Variants in CAMTA1 observed in about 807,000 individuals in gnomAD.
CAMTA1 encodes calmodulin-binding transcription activator 1.
In CAMTA1, 27 loss-of-function variants were observed where a neutral mutation model predicts 170.9. That is an observed-to-expected ratio of 0.16 (90% CI 0.12 to 0.22). The LOEUF is 0.22. CAMTA1 is among the 10% of genes least tolerant of loss of function. The probability of loss-of-function intolerance (pLI) is 1.00; values close to 1 mark genes in which losing one functional copy is unlikely to be tolerated. For missense variants in CAMTA1, 1,619 were observed against 2,217.2 expected (o/e 0.73, Z 5.42); for synonymous variants, 833 against 891.5 (o/e 0.93, Z 1.17).
At chr1:7,429,457 GTGA>G (rs1399209670) in intron 5 of CAMTA1, among the ~76,000 whole-genome samples, 4 of 152,036 alleles carry the variant, frequency 2.6e-5, no homozygotes, top group African/African-American at 7.2e-5. Flanking sequence ...GGTGGTGATG[GTGA>G]TGATGACAGT....
intron 5 of CAMTA1, among the ~76,000 whole-genome samples, chr1:7,384,103 G>A (rs2087664294): frequency 6.6e-6 from 1 of 152,226 alleles, no homozygotes; most frequent in Non-Finnish European, 1.5e-5. Flanking sequence ...AAAGGTGGCA[G>A]GGGAAAGCTG....
chr1:7,500,102 GA>G (rs2093964404), intron 6 of CAMTA1, among the ~76,000 whole-genome samples: 6 of 139,472 alleles, frequency 4.3e-5, no homozygotes, highest in Admixed American at 1.4e-4. Flanking sequence ...TGAGTGTGTA[GA>G]AGATTGTGTG....
At chr1:7,204,469 C>A (rs1019343016) in intron 4 of CAMTA1, among the ~76,000 whole-genome samples, 11 of 152,056 alleles carry the variant, frequency 7.2e-5, no homozygotes, top group African/African-American at 2.7e-4. Context: ...GTGAGTTTCT[C>A]CCATTGTTTT....
At chr1:7,289,245 C>A (rs1296479653) in intron 5 of CAMTA1, among the ~76,000 whole-genome samples, 3 of 152,128 alleles carry the variant, frequency 2.0e-5, no homozygotes, top group African/African-American at 7.2e-5. Context: ...TGGGCAGGGA[C>A]ACAGATCCAA....
chr1:6,983,643 G>A (rs190158113), intron 3 of CAMTA1, among the ~76,000 whole-genome samples: 56 of 152,278 alleles, frequency 3.7e-4, no homozygotes, highest in African/African-American at 1.3e-3. Context: ...CCCAGTAGCT[G>A]GTACAGAGCA....
chr1:6,942,287 T>C (rs922224005), intron 3 of CAMTA1, among the ~76,000 whole-genome samples: 9 of 152,200 alleles, frequency 5.9e-5, no homozygotes, highest in African/African-American at 2.2e-4. Context: ...TAACCTTATA[T>C]ATGTACTTAG....
At chr1:6,800,608 GTATTTA>G (rs1443229671) in intron 1 of CAMTA1, among the ~76,000 whole-genome samples, 3 of 152,122 alleles carry the variant, frequency 2.0e-5, no homozygotes, top group Non-Finnish European at 4.4e-5. Flanking sequence ...GTTTAAGGTA[GTATTTA>G]TATTCATTTA....
intron 5 of CAMTA1, among the ~76,000 whole-genome samples, chr1:7,346,666 C>T (rs1399979095): frequency 2.6e-5 from 4 of 152,290 alleles, no homozygotes; most frequent in Non-Finnish European, 5.9e-5. Flanking sequence ...CCTCCAGAAG[C>T]AGGGTAGGCT....
At chr1:6,932,078 G>A (rs1319593578) in intron 3 of CAMTA1, among the ~76,000 whole-genome samples, 1 of 152,110 alleles carries the variant, frequency 6.6e-6, no homozygotes, top group African/African-American at 2.4e-5. Flanking sequence ...TATTTAAAAT[G>A]TACAACTCAG....
chr1:6,829,992 T>C (rs192021242), intron 3 of CAMTA1, among the ~76,000 whole-genome samples: 148 of 152,252 alleles, frequency 9.7e-4, no homozygotes, highest in African/African-American at 3.3e-3. Flanking sequence ...AAAAGTTTTC[T>C]CCTACGTGTA....
intron 3 of CAMTA1, among the ~76,000 whole-genome samples, chr1:6,943,420 C>T (rs1247817354): frequency 1.3e-5 from 2 of 152,154 alleles, no homozygotes; most frequent in Admixed American, 6.5e-5. Flanking sequence ...GCAACCTGTC[C>T]TGCACCAGAA....
chr1:7,738,273 G>T lies in CAMTA1; in HGVS notation c.3973G>T (p.Asp1325Tyr). ...SQPVGKWNSK[D>Y]LYIGVSTVQV... ...GCCTGTAGGAAAGTGGAATTCCAAAGATCTTTACATTGGTGTGTCTACAGT... is the reference window on the plus strand; with the variant it reads ...GCCTGTAGGAAAGTGGAATTCCAAATATCTTTACATTGGTGTGTCTACAGT... Residue 1325 changes from aspartate (D) to tyrosine (Y), a missense_variant, in exon 16 of 23, where the codon GAT becomes TAT. Physicochemically the swap from Asp to Tyr is radical, Grantham distance 160. Around this residue, in one of 8 missense-constraint regions of CAMTA1, gnomAD observed 370 missense variants for 429.4 expected, o/e 0.86. Transcript: ENST00000303635. This position sits in a 1 kb window ranked among gnomAD's most constrained non-coding sequence, Gnocchi z 4.9. 6.2e-7 allele frequency: 1 copy of T among 1,614,126 alleles called. No individual in the cohort carries two copies. The highest frequency in any genetic ancestry group is 8.5e-7 in the Non-Finnish European group (1 of 1,180,036).
At chr1:6,844,909 A>G (rs963399884) in intron 3 of CAMTA1, among the ~76,000 whole-genome samples, 5 of 152,188 alleles carry the variant, frequency 3.3e-5, no homozygotes, top group African/African-American at 1.2e-4. Context: ...GATATCAGTC[A>G]GGATTCAGTC....
chr1:7,662,595 C>T (rs913773267), intron 8 of CAMTA1, among the ~76,000 whole-genome samples: 6 of 152,290 alleles, frequency 3.9e-5, no homozygotes, highest in Admixed American at 3.9e-4. Context: ...TCCTGGCTGC[C>T]GGGGCTGGAG....
intron 3 of CAMTA1, among the ~76,000 whole-genome samples, chr1:6,949,655 C>G (rs182165001): frequency 1.7e-4 from 26 of 152,364 alleles, no homozygotes; most frequent in African/African-American, 5.5e-4. Flanking sequence ...AGTCAGATCC[C>G]TGCAGCTCAC....
chr1:7,567,919 G>A (rs75023994), intron 6 of CAMTA1, among the ~76,000 whole-genome samples: 3,133 of 152,242 alleles, frequency 0.021, 117 homozygotes, highest in African/African-American at 0.072. Flanking sequence ...AACTTTCATT[G>A]CCTGTTTCCA....
rs960691897 is a variant in CAMTA1 at position 7,680,538 on chromosome 1, G to A, written c.2914+2805G>A. Among the ~76,000 whole-genome samples, 37 of 151,706 alleles carry A rather than the reference G, an allele frequency of 2.4e-4. No homozygotes were observed. The highest frequency in any genetic ancestry group is 4.1e-4 in the Non-Finnish European group (28 of 67,842). On this transcript the variant is annotated intron_variant, in intron 11 of 22. Transcript: ENST00000303635. The surrounding 1 kb of genome is among the most constrained non-coding windows in gnomAD (Gnocchi z 4.4). ...CTGCTGGCGGCGCCGCGCCCCGCGGGGTCTGGGGCCCCAGCAGGGACTGCG... is the reference window on the plus strand; with the variant it reads ...CTGCTGGCGGCGCCGCGCCCCGCGGAGTCTGGGGCCCCAGCAGGGACTGCG...
intron 21 of CAMTA1, among the ~76,000 whole-genome samples, 170 bp from the exon 22 acceptor site, chr1:7,755,468 T>A (rs183795768): frequency 2.6e-5 from 4 of 152,192 alleles, no homozygotes; most frequent in African/African-American, 9.6e-5. Context: ...CTTAAATTGA[T>A]GAATTTTTTT....
Position 7,293,056 on chromosome 1 carries a change from T to C in CAMTA1, c.438+43430T>C, listed in dbSNP as rs1443812038. Among the ~76,000 whole-genome samples the C allele has an allele frequency of 2.6e-5, 4 of 152,160 alleles. No homozygotes were observed. The highest frequency in any genetic ancestry group is 9.6e-5 in the African/African-American group (4 of 41,458). ...AGTGGCAAGCTCCGGCGGGGTGTCC[T>C]ACTCCCTGCTGGGTCACTGGAGCTT... is the stretch of plus-strand genomic sequence containing the variant. On this transcript the variant is annotated intron_variant, in intron 5 of 22. Transcript: ENST00000303635. The surrounding 1 kb of genome is among the most constrained non-coding windows in gnomAD (Gnocchi z 4.1).
Sources: allele counts gnomAD v4.1 joint callset (sites outside exome capture counted in the v4.1 genomes callset), GRCh38; gene constraint gnomAD v4.1.1; regional missense constraint gnomAD v4.1.1; non-coding constraint Gnocchi (gnomAD v3.1); transcripts MANE v1.5; gene names NCBI Gene and HGNC (gene_info 2026-07-23, HGNC 2026-07-21).